The following PDZRN3 variants were observed in gnomAD, a reference collection of about 807,000 sequenced individuals.
PDZRN3 encodes PDZ domain containing ring finger 3.
A neutral mutation model predicts 85.7 loss-of-function variants in PDZRN3; 38 were observed. The observed-to-expected ratio is 0.44, with a 90% CI of 0.34 to 0.58. The LOEUF is 0.58. Ranked by LOEUF, PDZRN3 falls within the 20% of genes least tolerant of loss-of-function variation. PDZRN3 has a pLI of 0.01. For synonymous variants in PDZRN3, 759 were observed against 638.0 expected (o/e 1.19, Z -2.86); for missense variants, 1,629 against 1,506.4 (o/e 1.08, Z -1.35).
intron 3 of PDZRN3, among the ~76,000 whole-genome samples, chr3:73,543,798 G>C (rs1701343630): frequency 6.6e-6 from 1 of 152,294 alleles, no homozygotes; most frequent in African/African-American, 2.4e-5. Context: ...TATTAAAACT[G>C]ACCAGACACC....
intron 3 of PDZRN3, among the ~76,000 whole-genome samples, chr3:73,442,567 T>A (rs576951187): frequency 6.6e-6 from 1 of 152,132 alleles, no homozygotes; most frequent in Non-Finnish European, 1.5e-5. Flanking sequence ...TCGAGGGAGA[T>A]GTGATGGCAT....
intron 3 of PDZRN3, among the ~76,000 whole-genome samples, chr3:73,528,021 A>C (rs1194065823): frequency 6.6e-6 from 1 of 152,188 alleles, no homozygotes; most frequent in African/African-American, 2.4e-5. Flanking sequence ...ACACACAATA[A>C]ACCTGGACAA....
chr3:73,598,369 G>A (rs912685835), intron 3 of PDZRN3, among the ~76,000 whole-genome samples: 1 of 152,130 alleles, frequency 6.6e-6, no homozygotes, highest in Non-Finnish European at 1.5e-5. Context: ...AAGACATCAG[G>A]GAGAAATTAA....
At chr3:73,426,598 C>T (rs950523385) in intron 3 of PDZRN3, among the ~76,000 whole-genome samples, 1 of 152,150 alleles carries the variant, frequency 6.6e-6, no homozygotes, top group Admixed American at 6.5e-5. Flanking sequence ...TCTTTGCTGC[C>T]TACTCATCCG....
chr3:73,576,561 G>A lies in PDZRN3; in HGVS notation c.918+25793C>T, dbSNP rs566117381. On this transcript the variant is annotated intron_variant, in intron 3 of 9. Coordinates refer to ENST00000263666, the MANE Select transcript of PDZRN3 (RefSeq NM_015009.3). ...AGGTAGAGAAACAAGTTTTCAGGGT[G>A]ATGCAAGTAGAATTCTAAGTCCCCC... Among the ~76,000 whole-genome samples the A allele has an allele frequency of 2.1e-4, 32 of 152,310 alleles. No individual in the cohort carries two copies. In the South Asian group the frequency reaches 6.6e-3, roughly 32 times the overall value.
intron 3 of PDZRN3, among the ~76,000 whole-genome samples, chr3:73,477,605 C>A (rs1262680090): frequency 6.6e-6 from 1 of 152,158 alleles, no homozygotes; most frequent in Non-Finnish European, 1.5e-5. Flanking sequence ...CAAAAAATCA[C>A]CCATAAATCA....
At chr3:73,475,716 G>A (rs1029566278) in intron 3 of PDZRN3, among the ~76,000 whole-genome samples, 1 of 152,146 alleles carries the variant, frequency 6.6e-6, no homozygotes, top group African/African-American at 2.4e-5. Context: ...TTACCTAGGG[G>A]TTGCTATATA....
At chr3:73,507,178 T>C (rs1475048884) in intron 3 of PDZRN3, among the ~76,000 whole-genome samples, 1 of 152,366 alleles carries the variant, frequency 6.6e-6, no homozygotes, top group African/African-American at 2.4e-5. Flanking sequence ...ATTCTCATTT[T>C]TTTTTTTGAG....
chr3:73,570,960 T>G (rs1331177754), intron 3 of PDZRN3, among the ~76,000 whole-genome samples: 1 of 152,198 alleles, frequency 6.6e-6, no homozygotes, highest in Non-Finnish European at 1.5e-5. Flanking sequence ...AGAAGAAAAC[T>G]TGTGCACAAG....
chr3:73,520,818 G>A, intron 3 of PDZRN3, among the ~76,000 whole-genome samples: 1 of 152,130 alleles, frequency 6.6e-6, no homozygotes, highest in East Asian at 1.9e-4. Context: ...CCTGAAGCTA[G>A]GGGGCAGGTC....
intron 3 of PDZRN3, among the ~76,000 whole-genome samples, chr3:73,432,175 C>A (rs138437728): frequency 6.6e-6 from 1 of 152,182 alleles, no homozygotes; most frequent in Non-Finnish European, 1.5e-5. Flanking sequence ...TTCCTGCCTG[C>A]GTGCTGGACT....
chr3:73,577,559 G>A (rs1461082978), intron 3 of PDZRN3, among the ~76,000 whole-genome samples: 1 of 152,090 alleles, frequency 6.6e-6, no homozygotes, highest in Non-Finnish European at 1.5e-5. Context: ...TTCTAGCTGG[G>A]ACCAGTCAAT....
intron 3 of PDZRN3, among the ~76,000 whole-genome samples, chr3:73,444,106 G>C (rs1575658489): frequency 6.6e-6 from 1 of 152,176 alleles, no homozygotes; most frequent in South Asian, 2.1e-4. Context: ...CCCCATGCTT[G>C]GGTCTGCTTT....
intron 3 of PDZRN3, among the ~76,000 whole-genome samples, chr3:73,531,250 CAAA>C (rs60520136): frequency 1.6e-5 from 1 of 63,944 alleles, no homozygotes; most frequent in South Asian, 6.7e-4. Context: ...GACTTCGTCT[CAAA>C]AAAAAAAAAA....
chr3:73,437,644 T>C (rs1327718978), intron 3 of PDZRN3, among the ~76,000 whole-genome samples: 1 of 152,174 alleles, frequency 6.6e-6, no homozygotes, highest in Non-Finnish European at 1.5e-5. Context: ...GTGATTAATA[T>C]GTGTTATTTG....
intron 3 of PDZRN3, among the ~76,000 whole-genome samples, chr3:73,513,146 G>A (rs567730065): frequency 3.3e-5 from 5 of 152,246 alleles, no homozygotes; most frequent in East Asian, 1.9e-4. Context: ...CTCCAAAGTC[G>A]AAAACAGGGC....
At chr3:73,489,444 C>T (rs571826087) in intron 3 of PDZRN3, among the ~76,000 whole-genome samples, 1 of 152,250 alleles carries the variant, frequency 6.6e-6, no homozygotes, top group African/African-American at 2.4e-5. Flanking sequence ...AGAAAACCCT[C>T]TTTCTCCATT....
intron 3 of PDZRN3, chr3:73,593,984 T>C (rs1440637112): frequency 6.6e-6 from 1 of 152,226 alleles, no homozygotes; most frequent in Non-Finnish European, 1.5e-5. Flanking sequence ...AGCTAAATTC[T>C]GCAAGAGTTG....
At chr3:73,540,324 C>T (rs1192171354) in intron 3 of PDZRN3, among the ~76,000 whole-genome samples, 2 of 152,074 alleles carry the variant, frequency 1.3e-5, no homozygotes. Context: ...GTTCAGGTTA[C>T]TCCCCTCCAA....
Sources: allele counts gnomAD v4.1 joint callset (sites outside exome capture counted in the v4.1 genomes callset), GRCh38; gene constraint gnomAD v4.1.1; transcripts MANE v1.5; gene names NCBI Gene and HGNC (gene_info 2026-07-23, HGNC 2026-07-21).